DNAAF9: variants seen among roughly 807,000 people sequenced by gnomAD.
DNAAF9 encodes dynein axonemal assembly factor 9.
DNAAF9 carries 90 observed loss-of-function variants against 167.0 expected under a neutral mutation model. That is an observed-to-expected ratio of 0.54 (90% CI 0.45 to 0.64). The LOEUF is 0.64. DNAAF9 is among the 30% of genes least tolerant of loss of function. The probability of loss-of-function intolerance (pLI) is 0.00; values close to 1 mark genes in which losing one functional copy is unlikely to be tolerated. For missense variants in DNAAF9, 1,315 were observed against 1,442.2 expected, an observed-to-expected ratio of 0.91 and a Z score of 1.43; for synonymous variants, 491 against 508.8, an observed-to-expected ratio of 0.96 and a Z score of 0.47.
At chr20:3,267,071 C>T (rs1161219238) in intron 30 of DNAAF9, among the ~76,000 whole-genome samples, 2 of 151,928 alleles carry the variant, frequency 1.3e-5, no homozygotes, top group African/African-American at 2.4e-5. Context: ...AGGCTGATTT[C>T]GAACTCCCGA....
chr20:3,299,612 T>C (rs1445795851), intron 21 of DNAAF9, among the ~76,000 whole-genome samples: 1 of 152,164 alleles, frequency 6.6e-6, no homozygotes, highest in Admixed American at 6.5e-5. Flanking sequence ...GCACCCGGCC[T>C]CTCAGCACCA....
chr20:3,401,311 T>C (rs752813684), intron 1 of DNAAF9, among the ~76,000 whole-genome samples: 1 of 152,088 alleles, frequency 6.6e-6, no homozygotes, highest in Non-Finnish European at 1.5e-5. Flanking sequence ...GTTCAAGCAA[T>C]TCTCCTGCCT....
At chr20:3,332,930 T>TGC (rs2069867118) in intron 10 of DNAAF9, among the ~76,000 whole-genome samples, 1 of 150,638 alleles carries the variant, frequency 6.6e-6, no homozygotes, top group East Asian at 1.9e-4. Context: ...TGTGTGTGTG[T>TGC]GTGTGTGGTT....
At position 3,305,729 on chromosome 20, in the gene DNAAF9, A is replaced by C. The variant is rs149803048; in HGVS notation, c.1679-1186T>G. 4.1e-3 allele frequency among the ~76,000 whole-genome samples: 620 copies of C among 152,262 alleles called. 8 individuals are homozygous for C. The highest frequency in any genetic ancestry group is 0.014 in the African/African-American group (592 of 41,548). ...GGACAGGAGAAGTGAAGGGAGAAGG[A>C]GGCAGTTTTTAGGTACAAGAAGAAG... On this transcript the variant is annotated intron_variant, in intron 20 of 36. Transcript: ENST00000252032.
chr20:3,373,317 C>T (rs2083534068), intron 6 of DNAAF9, among the ~76,000 whole-genome samples: 1 of 152,198 alleles, frequency 6.6e-6, no homozygotes, highest in South Asian at 2.1e-4. Context: ...GACAATGTTC[C>T]CCGTCCCTGG....
rs181071049 is a variant in DNAAF9, at chr20:3,337,135, T to C, written c.981+3369A>G. On this transcript the variant is annotated intron_variant, in intron 10 of 36. Transcript: ENST00000252032. ...ACCTCGTGATCTGCCCACCTCGGCT[T>C]CTCTAAGTGCTGGGATTACAGGCGT... 1.6e-3 allele frequency among the ~76,000 whole-genome samples: 240 copies of C among 151,674 alleles called. 2 individuals carry two copies. Among genetic ancestry groups the C allele is most frequent in the African/African-American group, 5.5e-3 (229 of 41,374 alleles).
At chr20:3,397,075 C>T (rs239483) in intron 1 of DNAAF9, among the ~76,000 whole-genome samples, 112,396 of 151,814 alleles carry the variant, frequency 0.74, 41,850 homozygotes, top group African/African-American at 0.82. Flanking sequence ...GGCAAAATCC[C>T]GTCTCTACAA....
In DNAAF9 at chr20:3,407,644, G is replaced by A. The variant is rs933038005; in HGVS notation, c.-87C>T. ...GGGCGGCTCCACGCTAGCTGCGGCC[G>A]GGCGGGGCGGCAGGGCGTGCCGGGT... On this transcript the variant is annotated 5_prime_UTR_variant, in exon 1 of 37. Coordinates refer to ENST00000252032, the MANE Select transcript of DNAAF9 (RefSeq NM_001009984.3). The A allele has an allele frequency of 1.2e-5, 14 of 1,149,566 alleles. No individual in the cohort carries two copies. The African/African-American group carries it at 2.3e-4, about 19-fold the overall frequency. 71.2% of individuals were successfully genotyped at this position (1,149,566 alleles called of 1,614,324 possible). A position where few individuals can be genotyped will look rare whatever the true frequency, so the allele number is the denominator to read the frequency against.
chr20:3,312,105 C>T (rs1288318813), intron 20 of DNAAF9, among the ~76,000 whole-genome samples: 1 of 152,004 alleles, frequency 6.6e-6, no homozygotes, highest in East Asian at 1.9e-4. Context: ...TCTCCTGCCT[C>T]AGCCTCCCGA....
At chr20:3,393,899 C>T (rs1485015419) in intron 1 of DNAAF9, among the ~76,000 whole-genome samples, 2 of 152,230 alleles carry the variant, frequency 1.3e-5, no homozygotes, top group Admixed American at 6.5e-5. Flanking sequence ...ACAACTCACA[C>T]TTCCCTAATT....
rs537131273 is a variant in DNAAF9, at chr20:3,342,496, G to A, written c.845+1180C>T. 2.6e-5 allele frequency among the ~76,000 whole-genome samples: 4 copies of A among 152,150 alleles called. No individual in the cohort carries two copies. The South Asian group carries it at 6.2e-4, about 24-fold the overall frequency. ...ATGAATCTCTCTTGATTGGTATGTC[G>A]TAGTTCTCAGTGAATATTTGATGAC... On this transcript the variant is annotated intron_variant, in intron 9 of 36. Transcript: ENST00000252032.
chr20:3,289,195 A>C (rs541050786), intron 26 of DNAAF9, among the ~76,000 whole-genome samples: 51 of 152,308 alleles, frequency 3.3e-4, no homozygotes, highest in African/African-American at 1.2e-3. Context: ...AGCTTTTTTA[A>C]AAATTAGTGC....
At chr20:3,306,944 A>C (rs8120029) in intron 20 of DNAAF9, 27,396 of 984,480 alleles carry the variant, frequency 0.028, 471 homozygotes, top group African/African-American at 0.072. Flanking sequence ...CCTGCTGCTG[A>C]GTGGTTAGTA....
At chr20:3,357,845 CAA>C in intron 7 of DNAAF9, among the ~76,000 whole-genome samples, 1 of 150,688 alleles carries the variant, frequency 6.6e-6, no homozygotes. Flanking sequence ...CTGATCTCTA[CAA>C]AAAAAATAAA....
Position 3,270,431 on chromosome 20 carries a change from T to C in DNAAF9, c.2782A>G (p.Thr928Ala). The change falls in exon 30 of 37, where the codon ACC (threonine) becomes GCC (alanine). Residue 928 changes from threonine to alanine, a missense_variant. Coordinates refer to ENST00000252032, the MANE Select transcript of DNAAF9 (RefSeq NM_001009984.3). Reference sequence around the variant, plus strand: ...CAGAGTGAATCTATAGATTACCTGGTGACAATCCCATTTTCTGCAAGAATG... The same window carrying C: ...CAGAGTGAATCTATAGATTACCTGGCGACAATCCCATTTTCTGCAAGAATG... ...AFILAENGIVTRNEDIELILS... is the reference protein window; with the variant it reads ...AFILAENGIVARNEDIELILS... 1 of 1,613,820 alleles carries C rather than the reference T, an allele frequency of 6.2e-7. No homozygotes were observed. The highest frequency in any genetic ancestry group is 8.5e-7 in the Non-Finnish European group (1 of 1,179,786).
intron 27 of DNAAF9, among the ~76,000 whole-genome samples, chr20:3,282,194 G>C (rs560797446): frequency 2.0e-4 from 31 of 152,176 alleles, no homozygotes; most frequent in African/African-American, 7.5e-4. Flanking sequence ...ACCCATCCAG[G>C]TCAGCAGACT....
At chr20:3,400,838 A>G (rs957081076) in intron 1 of DNAAF9, among the ~76,000 whole-genome samples, 5 of 152,324 alleles carry the variant, frequency 3.3e-5, no homozygotes, top group Middle Eastern at 6.8e-3. Flanking sequence ...CATCCCAGAT[A>G]CAAGTGAAAA....
At position 3,304,489 on chromosome 20, in the gene DNAAF9, CTTCT is replaced by C. The variant is rs2069253014; in HGVS notation, c.1729_1732del (p.Arg577ValfsTer9). 6.5e-7 allele frequency: 1 copy of C among 1,528,072 alleles called. No individual in the cohort carries two copies. The highest frequency in any genetic ancestry group is 9.1e-7 in the Non-Finnish European group (1 of 1,101,872). 94.7% of individuals were successfully genotyped at this position (1,528,072 alleles called of 1,614,324 possible). ...CATGTGATCCTTGGAAATGATGATA[CTTCT>C]ATGACGACAGTGAGAAAACAGAAGG... is the stretch of plus-strand genomic sequence containing the variant. On this transcript the variant is annotated frameshift_variant, in exon 21 of 37. Coordinates refer to ENST00000252032, the MANE Select transcript of DNAAF9 (RefSeq NM_001009984.3). LOFTEE classifies it high-confidence loss of function.
chr20:3,250,925 T>C lies in DNAAF9; in HGVS notation c.*1647A>G, dbSNP rs1340600808. ...ATTAATCAATTGCACTTAAGATCTA[T>C]GTTACTGATTCTGAAGCGAGGCAAG... is the stretch of plus-strand genomic sequence containing the variant. On this transcript the variant is annotated 3_prime_UTR_variant, in exon 37 of 37. Coordinates refer to ENST00000252032, the MANE Select transcript of DNAAF9 (RefSeq NM_001009984.3). 12 of 152,164 alleles carry C rather than the reference T, an allele frequency of 7.9e-5. No homozygotes were observed. The highest frequency in any genetic ancestry group is 2.6e-4 in the Admixed American group (4 of 15,280). 9.4% of individuals were successfully genotyped at this position (152,164 alleles called of 1,614,324 possible).
Sources: allele counts gnomAD v4.1 joint callset (sites outside exome capture counted in the v4.1 genomes callset), GRCh38; gene constraint gnomAD v4.1.1; transcripts MANE v1.5; gene names NCBI Gene and HGNC (gene_info 2026-07-23, HGNC 2026-07-21).